Variants in DSE observed in about 807,000 individuals in gnomAD.
The protein encoded by DSE is dermatan-sulfate epimerase.
DSE carries 36 observed loss-of-function variants against 84.4 expected under a neutral mutation model. The ratio of observed to expected loss-of-function variants is 0.43; its 90% CI spans 0.33 to 0.56. DSE has a LOEUF of 0.56. Ranked by LOEUF, DSE falls within the 20% of genes least tolerant of loss-of-function variation. DSE has a pLI of 0.06. For synonymous variants in DSE, 410 were observed against 430.1 expected, an observed-to-expected ratio of 0.95 and a Z score of 0.58; for missense variants, 862 against 1,169.6, an observed-to-expected ratio of 0.74 and a Z score of 3.84.
At chr6:116,281,366 G>T (rs1037742396) in intron 2 of DSE, among the ~76,000 whole-genome samples, 6 of 152,184 alleles carry the variant, frequency 3.9e-5, no homozygotes, top group Admixed American at 3.9e-4. Context: ...ATAAATTTGT[G>T]CATTTTAAGC....
exon 2 of DSE, chr6:116,258,580 T>C (rs773588024): frequency 1.7e-5 from 28 of 1,602,590 alleles, no homozygotes; most frequent in Admixed American, 8.3e-5. Context: ...CTTGGCAGCA[T>C]TGATGAGCTC....
Position 116,399,617 on chromosome 6 carries a change from C to G in DSE, c.367C>G (p.Arg123Gly). The change falls in exon 2 of 6, where the codon CGA becomes GGA. Residue 123 changes from arginine (R) to glycine (G), a missense_variant. Arg to Gly is a moderately radical substitution (Grantham distance 125, BLOSUM62 -2). Around this residue, in one of 4 missense-constraint regions of DSE, gnomAD observed 309 missense variants for 516.9 expected, o/e 0.60. Coordinates refer to ENST00000644252, the MANE Select transcript of DSE (RefSeq NM_013352.4). ...GCTGTATCCTGAGAACATTGAAGCC[C>G]GAGACATGGCCAAAGACTACATGGA... Reference protein sequence around the residue: ...CVLYPENIEARDMAKDYMERM... With the variant: ...CVLYPENIEAGDMAKDYMERM... 1 of 1,614,168 alleles carries G rather than the reference C, an allele frequency of 6.2e-7. No individual in the cohort carries two copies. The highest frequency in any genetic ancestry group is 8.5e-7 in the Non-Finnish European group (1 of 1,180,040).
chr6:116,349,951 A>G (rs1778215521), intron 2 of DSE, among the ~76,000 whole-genome samples: 2 of 152,188 alleles, frequency 1.3e-5, no homozygotes. Context: ...TCACTTGGCC[A>G]TAACCAAAAG....
At chr6:116,256,003 C>CTT (rs1487357916) in intron 1 of DSE, 3 of 152,222 alleles carry the variant, frequency 2.0e-5, no homozygotes, top group Non-Finnish European at 4.4e-5. Flanking sequence ...CCTGGCCATT[C>CTT]TTTAACACTC....
rs56190632 is a variant in DSE at position 116,279,074 on chromosome 6, G to A, written c.-54+20107G>A. On this transcript the variant is annotated intron_variant, in intron 2 of 3. Coordinates refer to the DSE transcript ENST00000430252. ...CGCATCCGCCCAAACTTGTGCTCCA[G>A]CTGTTGGAAGGCCCTGTCGGCCTGA... is the stretch of plus-strand genomic sequence containing the variant. 1,618 of 1,613,398 alleles carry A rather than the reference G, an allele frequency of 1.0e-3. No individual in the cohort carries two copies. The highest frequency in any genetic ancestry group is 1.3e-3 in the Non-Finnish European group (1,516 of 1,179,426).
chr6:116,406,073 T>C (rs1268871342), intron 2 of DSE, among the ~76,000 whole-genome samples: 1 of 152,246 alleles, frequency 6.6e-6, no homozygotes, highest in African/African-American at 2.4e-5. Flanking sequence ...AAATCCGAAG[T>C]TAATTTTCTT....
intron 2 of DSE, among the ~76,000 whole-genome samples, chr6:116,309,962 G>A (rs1343998683): frequency 6.6e-6 from 1 of 151,932 alleles, no homozygotes; most frequent in Non-Finnish European, 1.5e-5. Context: ...AAAAAAAAAA[G>A]AAGCATTTAA....
intron 2 of DSE, among the ~76,000 whole-genome samples, chr6:116,269,954 C>CA (rs1772812219): frequency 6.6e-6 from 1 of 151,680 alleles, no homozygotes; most frequent in South Asian, 2.1e-4. Flanking sequence ...TCCAATTAAA[C>CA]ATCTACCATG....
chr6:116,344,315 T>TCCAAGACA (rs1389431497), intron 2 of DSE, among the ~76,000 whole-genome samples: 4 of 152,096 alleles, frequency 2.6e-5, no homozygotes, highest in African/African-American at 7.2e-5. Context: ...GAAGAGCAAC[T>TCCAAGACA]CCAAGACACA....
chr6:116,368,830 A>G (rs770557525), upstream of DSE, among the ~76,000 whole-genome samples: 1 of 150,918 alleles, frequency 6.6e-6, no homozygotes, highest in Non-Finnish European at 1.5e-5. Context: ...GTACCCAGGT[A>G]AATTGAAGTA....
upstream of DSE, chr6:116,369,686 C>T (rs9488914): frequency 0.48 from 142,592 of 299,092 alleles, 37,458 homozygotes; most frequent in East Asian, 0.93. Context: ...ATTAGTGGTT[C>T]ACCTGAGTGA....
chr6:116,304,092 C>T (rs1775200244), intron 2 of DSE, among the ~76,000 whole-genome samples: 1 of 148,818 alleles, frequency 6.7e-6, no homozygotes, highest in Non-Finnish European at 1.5e-5. Context: ...CACTGCACTC[C>T]AGCCTGGGCG....
Position 116,436,725 on chromosome 6 carries a change from T to A in DSE, c.2257T>A (p.Phe753Ile), listed in dbSNP as rs1219145544. 1 of 1,614,026 alleles carries A rather than the reference T, an allele frequency of 6.2e-7. No homozygotes were observed. The highest frequency in any genetic ancestry group is 1.3e-5 in the African/African-American group (1 of 74,918). ...EQNLQHFKPV[F>I]QLLEKQILSR... The stretch of plus-strand genomic sequence containing the variant: ...GAACTTGCAGCATTTTAAACCAGTG[T>A]TTCAGCTGCTGGAGAAGCAGATACT... Residue 753 changes from phenylalanine to isoleucine, a missense_variant, in exon 6 of 6, where the codon TTT becomes ATT. Phe to Ile is a conservative substitution (Grantham distance 21). This residue lies in a region of DSE where 315 missense variants were observed against 348.1 expected (regional missense o/e 0.90). Transcript: ENST00000644252.
In DSE at chr6:116,320,554, C is replaced by T. The variant is rs192300119; in HGVS notation, c.-54+61587C>T. 2.9e-4 allele frequency among the ~76,000 whole-genome samples: 44 copies of T among 152,072 alleles called. No individual in the cohort carries two copies. The East Asian group carries it at 4.8e-3, about 17-fold the overall frequency. ...GGAAGGAGGTGTATTAGTTTGCTTG[C>T]GCTGCCATAACAAAATACCATAGAC... is the stretch of plus-strand genomic sequence containing the variant. On this transcript the variant is annotated intron_variant, in intron 2 of 3. Coordinates refer to the DSE transcript ENST00000430252.
At chr6:116,291,575 A>T (rs1298849035) in intron 2 of DSE, among the ~76,000 whole-genome samples, 1 of 150,668 alleles carries the variant, frequency 6.6e-6, no homozygotes, top group Non-Finnish European at 1.5e-5. Flanking sequence ...TATGTTTATG[A>T]TATATTAAAT....
At chr6:116,265,349 G>C (rs187281948) in intron 2 of DSE, among the ~76,000 whole-genome samples, 4 of 152,132 alleles carry the variant, frequency 2.6e-5, no homozygotes, top group Non-Finnish European at 4.4e-5. Context: ...GTTAGTGCAA[G>C]GGTGGGGTGC....
chr6:116,433,475 G>A lies in DSE; in HGVS notation c.1043G>A (p.Arg348Lys). The change falls in exon 5 of 6, where the codon AGG (arginine) becomes AAG (lysine). Residue 348 changes from arginine (R) to lysine (K), a missense_variant. Coordinates refer to ENST00000644252, the MANE Select transcript of DSE (RefSeq NM_013352.4). ...AACTGGCTAGCTGACCAAATCAGAA[G>A]GAACCGTGTGGTGGAAGGTCCAGGA... ...SGNWLADQIR[R>K]NRVVEGPGTP... 2 of 1,558,126 alleles carry A rather than the reference G, an allele frequency of 1.3e-6. No homozygotes were observed. The highest frequency in any genetic ancestry group is 1.7e-6 in the Non-Finnish European group (2 of 1,150,040).
At chr6:116,343,294 T>G (rs541397992) in intron 2 of DSE, among the ~76,000 whole-genome samples, 3 of 152,326 alleles carry the variant, frequency 2.0e-5, no homozygotes, top group Non-Finnish European at 4.4e-5. Flanking sequence ...CTGAAGACAG[T>G]AGTGGTTCTC....
At chr6:116,306,786 G>A (rs960781094) in intron 2 of DSE, among the ~76,000 whole-genome samples, 2 of 152,068 alleles carry the variant, frequency 1.3e-5, no homozygotes, top group Admixed American at 6.6e-5. Context: ...GAAGTTATGG[G>A]GGCAGGACCC....
Sources: gnomAD v4.1 joint callset for allele counts (sites outside exome capture counted in the v4.1 genomes callset) on GRCh38, gnomAD v4.1.1 for gene constraint, gnomAD v4.1.1 regional missense constraint, MANE v1.5 for transcripts, NCBI Gene and HGNC (gene_info 2026-07-23, HGNC 2026-07-21) for gene names.